The following ZFHX3 variants were observed in gnomAD, a reference collection of about 807,000 sequenced individuals.
The protein encoded by ZFHX3 is zinc finger homeobox 3.
In ZFHX3, 42 loss-of-function variants were observed where a neutral mutation model predicts 279.1. The ratio of observed to expected loss-of-function variants is 0.15; its 90% CI spans 0.12 to 0.19. The LOEUF (loss-of-function observed/expected upper bound fraction) is 0.19. Ranked by LOEUF, ZFHX3 falls within the 10% of genes least tolerant of loss-of-function variation. ZFHX3 has a pLI of 1.00. For synonymous variants in ZFHX3, 2,293 were observed against 1,957.8 expected (o/e 1.17, Z -4.52); for missense variants, 4,981 against 4,754.0 (o/e 1.05, Z -1.40).
intron 1 of ZFHX3, among the ~76,000 whole-genome samples, chr16:73,887,261 G>A (rs950004665): frequency 3.3e-5 from 5 of 152,100 alleles, no homozygotes; most frequent in South Asian, 2.1e-4. Context: ...CCCAGGCCTC[G>A]AGATAAAACA....
chr16:73,809,752 C>G (rs979491325), intron 1 of ZFHX3: 2 of 151,956 alleles, frequency 1.3e-5, no homozygotes, highest in African/African-American at 4.8e-5. Flanking sequence ...TGTTTAGGCT[C>G]TACTCATTAA....
At chr16:73,011,787 C>A (rs541097827) in intron 1 of ZFHX3, among the ~76,000 whole-genome samples, 7 of 151,708 alleles carry the variant, frequency 4.6e-5, no homozygotes, top group East Asian at 3.9e-4. Flanking sequence ...TCCCCTCCCC[C>A]CAAAATACTG....
At chr16:73,839,517 G>GA (rs1425376390) in intron 1 of ZFHX3, among the ~76,000 whole-genome samples, 1 of 152,092 alleles carries the variant, frequency 6.6e-6, no homozygotes, top group Non-Finnish European at 1.5e-5. Flanking sequence ...TCACTATGAT[G>GA]AAAAAATCAA....
intron 1 of ZFHX3, among the ~76,000 whole-genome samples, chr16:72,964,166 G>T (rs1440260362): frequency 6.6e-6 from 1 of 152,082 alleles, no homozygotes; most frequent in African/African-American, 2.4e-5. Flanking sequence ...CCTCAGAAGT[G>T]CACATCCCTC....
intron 2 of ZFHX3, among the ~76,000 whole-genome samples, chr16:73,497,778 G>T (rs1175532247): frequency 6.6e-6 from 1 of 152,142 alleles, no homozygotes; most frequent in Admixed American, 6.6e-5. Flanking sequence ...GGTAGAAAAA[G>T]GTGGAGTTCT....
intron 3 of ZFHX3, among the ~76,000 whole-genome samples, chr16:72,894,148 CAAAA>C (rs11340955): frequency 1.6e-5 from 2 of 124,810 alleles, no homozygotes; most frequent in Admixed American, 8.1e-5. Context: ...AACTCTGTCT[CAAAA>C]AAAAAAAAAA....
intron 2 of ZFHX3, among the ~76,000 whole-genome samples, chr16:73,662,004 C>A (rs2052790558): frequency 1.6e-5 from 1 of 64,348 alleles, no homozygotes; most frequent in Non-Finnish European, 3.0e-5. Flanking sequence ...CACAACGGAC[C>A]AATTTTTTTT....
At chr16:73,698,001 T>A (rs2053213122) in intron 1 of ZFHX3, among the ~76,000 whole-genome samples, 1 of 152,064 alleles carries the variant, frequency 6.6e-6, no homozygotes, top group Non-Finnish European at 1.5e-5. Context: ...GTGTGGGGTA[T>A]CTTTGTAGTG....
At chr16:73,790,388 G>A (rs1054387412) in intron 1 of ZFHX3, among the ~76,000 whole-genome samples, 1 of 151,534 alleles carries the variant, frequency 6.6e-6, no homozygotes, top group African/African-American at 2.4e-5. Flanking sequence ...CATTGCTACT[G>A]GTTTACAAAA....
intron 3 of ZFHX3, among the ~76,000 whole-genome samples, chr16:73,339,265 C>T (rs2015983868): frequency 6.6e-6 from 1 of 152,174 alleles, no homozygotes; most frequent in African/African-American, 2.4e-5. Context: ...TTCTTCTTCA[C>T]CTGCTCTCCT....
intron 2 of ZFHX3, among the ~76,000 whole-genome samples, chr16:73,467,753 C>T (rs951847861): frequency 6.6e-6 from 1 of 152,178 alleles, no homozygotes. Flanking sequence ...CATCAACCCT[C>T]GTCCTCATTG....
Position 73,143,079 on chromosome 16 carries a change from A to AT in ZFHX3, c.-1024+672dup, listed in dbSNP as rs541463903. 1.1e-3 allele frequency among the ~76,000 whole-genome samples: 168 copies of AT among 146,940 alleles called. 1 individual carries two copies. Among genetic ancestry groups the AT allele is most frequent in the Admixed American group, 2.0e-3 (29 of 14,710 alleles). On this transcript the variant is annotated intron_variant, in intron 6 of 17. Transcript: ENST00000641206. The stretch of plus-strand genomic sequence containing the variant: ...TCAAATATGTCACTTGACCCAACAG[A>AT]TTTTTTTTTTTTAACTGAGTCTGAG...
intron 7 of ZFHX3, among the ~76,000 whole-genome samples, chr16:73,107,711 G>C (rs900756490): frequency 6.6e-6 from 1 of 152,160 alleles, no homozygotes; most frequent in Admixed American, 6.5e-5. Context: ...CCTAGCACAG[G>C]TTTTCAATCA....
chr16:73,565,220 C>T (rs2143796534), intron 2 of ZFHX3, among the ~76,000 whole-genome samples: 1 of 151,878 alleles, frequency 6.6e-6, no homozygotes. Flanking sequence ...TGCCATTTCA[C>T]TCTGGCCTGA....
intron 2 of ZFHX3, among the ~76,000 whole-genome samples, chr16:73,531,005 A>G (rs1281400057): frequency 6.6e-6 from 1 of 152,224 alleles, no homozygotes; most frequent in East Asian, 1.9e-4. Context: ...AACGGGAGAG[A>G]TGAAACAGGG....
intron 2 of ZFHX3, among the ~76,000 whole-genome samples, chr16:73,613,272 A>G (rs970159700): frequency 6.6e-6 from 1 of 152,228 alleles, no homozygotes; most frequent in African/African-American, 2.4e-5. Flanking sequence ...TGGAACATAA[A>G]TAATGCCATT....
intron 5 of ZFHX3, among the ~76,000 whole-genome samples, chr16:72,818,188 T>A (rs1209654390): frequency 6.6e-6 from 1 of 152,206 alleles, no homozygotes; most frequent in Non-Finnish European, 1.5e-5. Flanking sequence ...CTTCAGCTCA[T>A]AATTATAATT....
chr16:73,710,155 CAACAAGAG>C (rs1473492369), intron 1 of ZFHX3, among the ~76,000 whole-genome samples: 1 of 152,026 alleles, frequency 6.6e-6, no homozygotes, highest in African/African-American at 2.4e-5. Context: ...CCAGCCTGGG[CAACAAGAG>C]CAAAACTCTG....
chr16:73,279,200 T>C (rs967042725), intron 4 of ZFHX3, among the ~76,000 whole-genome samples: 2 of 152,120 alleles, frequency 1.3e-5, no homozygotes, highest in African/African-American at 4.8e-5. Flanking sequence ...AAGGATCCCA[T>C]CAAAGGTATT....
Sources: allele counts gnomAD v4.1 joint callset (sites outside exome capture counted in the v4.1 genomes callset), GRCh38; gene constraint gnomAD v4.1.1; transcripts MANE v1.5; gene names NCBI Gene and HGNC (gene_info 2026-07-23, HGNC 2026-07-21).